Variants in CENPP observed in about 807,000 individuals in gnomAD.
The protein encoded by CENPP is centromere protein P.
CENPP carries 24 observed loss-of-function variants against 35.6 expected under a neutral mutation model. That is an observed-to-expected ratio of 0.67 (90% CI 0.49 to 0.95). The LOEUF (loss-of-function observed/expected upper bound fraction) is 0.95. CENPP is among the 40% of genes least tolerant of loss of function. The probability of loss-of-function intolerance (pLI) is 0.00; values close to 1 mark genes in which losing one functional copy is unlikely to be tolerated. For synonymous variants in CENPP, 120 were observed against 125.5 expected (o/e 0.96, Z 0.29); for missense variants, 332 against 345.3 (o/e 0.96, Z 0.31).
rs181532306 is a variant in CENPP, at chr9:92,583,526, G to A, written c.565-27788G>A. ...TGTAGGTTTTAACTCTATCTCACAAGTATCATTCTTAAACTAATATATGAG... is the reference window on the plus strand; with the variant it reads ...TGTAGGTTTTAACTCTATCTCACAAATATCATTCTTAAACTAATATATGAG... On this transcript the variant is annotated intron_variant, in intron 5 of 7. Transcript: ENST00000375587. Among the ~76,000 whole-genome samples the A allele has an allele frequency of 2.0e-5, 3 of 152,218 alleles. No individual in the cohort carries two copies. In the East Asian group the frequency reaches 5.8e-4, roughly 29 times the overall value.
At chr9:92,372,099 C>CTT (rs71362382) in intron 4 of CENPP, among the ~76,000 whole-genome samples, 421 of 30,660 alleles carry the variant, frequency 0.014, 25 homozygotes, top group East Asian at 0.023. Context: ...TGCCAGCCAT[C>CTT]TTTTTTTTTT....
At chr9:92,589,055 C>T (rs777447165) in intron 5 of CENPP, among the ~76,000 whole-genome samples, 1 of 151,998 alleles carries the variant, frequency 6.6e-6, no homozygotes, top group Non-Finnish European at 1.5e-5. Flanking sequence ...GCACCAGGCA[C>T]AATGGCCCAC....
At chr9:92,596,467 A>AG (rs1245760522) in intron 5 of CENPP, among the ~76,000 whole-genome samples, 5 of 150,104 alleles carry the variant, frequency 3.3e-5, no homozygotes, top group African/African-American at 1.2e-4. Flanking sequence ...AAAAAAAAAA[A>AG]AAAGAAAGAA....
chr9:92,423,618 C>T (rs917080960), intron 5 of CENPP, among the ~76,000 whole-genome samples: 62 of 151,946 alleles, frequency 4.1e-4, no homozygotes, highest in Admixed American at 1.3e-4. Context: ...AGCCATAATA[C>T]ATTTAAATCG....
chr9:92,431,265 A>G (rs2130987452), intron 5 of CENPP, among the ~76,000 whole-genome samples: 1 of 152,312 alleles, frequency 6.6e-6, no homozygotes, highest in African/African-American at 2.4e-5. Flanking sequence ...TCCATACACT[A>G]GATTTCTTTA....
In CENPP at chr9:92,457,498, GAA is replaced by G. The variant is rs778776532; in HGVS notation, c.564+77644_564+77645del. 4 of 1,564,556 alleles carry G rather than the reference GAA, an allele frequency of 2.6e-6. No individual in the cohort carries two copies. In the African/African-American group the frequency reaches 5.5e-5, roughly 21 times the overall value. On this transcript the variant is annotated intron_variant, in intron 5 of 7. Transcript: ENST00000375587. ...GAAGGAAGATTATCTGTTGTAGTAG[GAA>G]AAAAGAAAGGATTAAAAATACCCAG...
At chr9:92,341,386 A>G (rs1479341577) in intron 3 of CENPP, among the ~76,000 whole-genome samples, 1 of 152,084 alleles carries the variant, frequency 6.6e-6, no homozygotes. Context: ...TCCCCTTTTG[A>G]AACTCCCTAA....
intron 5 of CENPP, among the ~76,000 whole-genome samples, chr9:92,546,963 A>G (rs531469956): frequency 6.6e-6 from 1 of 152,296 alleles, no homozygotes; most frequent in East Asian, 1.9e-4. Context: ...CTATATTACA[A>G]ACTGACAGGG....
At chr9:92,470,035 C>T (rs1224219818) in intron 5 of CENPP, among the ~76,000 whole-genome samples, 1 of 152,114 alleles carries the variant, frequency 6.6e-6, no homozygotes, top group Non-Finnish European at 1.5e-5. Context: ...TGTTGTGTTG[C>T]CCAGGCTGAT....
intron 5 of CENPP, among the ~76,000 whole-genome samples, chr9:92,577,001 A>G (rs574883911): frequency 6.6e-6 from 1 of 152,364 alleles, no homozygotes; most frequent in South Asian, 2.1e-4. Context: ...GAGATTCCAT[A>G]GCATACCTAC....
chr9:92,430,583 T>C (rs1844082034), intron 5 of CENPP, among the ~76,000 whole-genome samples: 1 of 152,138 alleles, frequency 6.6e-6, no homozygotes, highest in Admixed American at 6.6e-5. Context: ...CTCGAACTCC[T>C]GAACTCGGGT....
At position 92,528,848 on chromosome 9, in the gene CENPP, C is replaced by A. The variant is rs116076579; in HGVS notation, c.565-82466C>A. Among the ~76,000 whole-genome samples, 1,139 of 152,166 alleles carry A rather than the reference C, an allele frequency of 7.5e-3. 12 individuals carry two copies. The highest frequency in any genetic ancestry group is 0.023 in the African/African-American group (965 of 41,508). The stretch of plus-strand genomic sequence containing the variant: ...ATCCAATGTAAATTTACCAGGTACA[C>A]AAAGAAACAGGAAAAGTTGACCCAT... On this transcript the variant is annotated intron_variant, in intron 5 of 7. Transcript: ENST00000375587.
rs1277082727 is a variant in CENPP, at chr9:92,348,108, CTTTCT to C, written c.467+2325_467+2329del. Among the ~76,000 whole-genome samples the C allele has an allele frequency of 2.6e-4, 15 of 58,104 alleles. No individual in the cohort carries two copies. In the South Asian group the frequency reaches 3.7e-3, roughly 14 times the overall value. The allele number at this position is 58,104 out of a possible 152,430, so 38.1% of individuals were successfully genotyped here. A position where few individuals can be genotyped will look rare whatever the true frequency, so the allele number is the denominator to read the frequency against. On this transcript the variant is annotated intron_variant, in intron 4 of 7. Coordinates refer to ENST00000375587, the MANE Select transcript of CENPP (RefSeq NM_001012267.3). Reference sequence around the variant, plus strand: ...CCCAGCTAATTTTCTTTCTTTCTTTCTTTCTTTTTTTTTTTTTTTTGTGCATTTTT... The same window carrying C: ...CCCAGCTAATTTTCTTTCTTTCTTTCTTTTTTTTTTTTTTTGTGCATTTTT...
intron 5 of CENPP, among the ~76,000 whole-genome samples, chr9:92,584,383 C>T (rs1253536697): frequency 6.6e-6 from 1 of 152,216 alleles, no homozygotes; most frequent in African/African-American, 2.4e-5. Context: ...GGGTCTTACT[C>T]TATCACCCAG....
In CENPP at chr9:92,615,959, T is replaced by G; in HGVS notation, c.*2810T>G. On this transcript the variant is annotated 3_prime_UTR_variant, in exon 8 of 8. Transcript: ENST00000375587. Reference sequence around the variant, plus strand: ...GATCTTGCCGTCCAGTTTATACTGATGGGGAATGCTCTCGTAGGGCTTGAG... The same window carrying G: ...GATCTTGCCGTCCAGTTTATACTGAGGGGGAATGCTCTCGTAGGGCTTGAG... 1 of 1,614,114 alleles carries G rather than the reference T, an allele frequency of 6.2e-7. No homozygotes were observed. Among genetic ancestry groups the G allele is most frequent in the Non-Finnish European group, 8.5e-7 (1 of 1,179,992 alleles).
At chr9:92,470,732 A>T in intron 5 of CENPP, 1 of 1,599,422 alleles carries the variant, frequency 6.3e-7, no homozygotes. Flanking sequence ...TGTTTTGAAG[A>T]TCAAGCATTC....
chr9:92,459,662 A>T (rs760058506), intron 5 of CENPP: 1 of 1,613,218 alleles, frequency 6.2e-7, no homozygotes, highest in South Asian at 1.1e-5. Context: ...GTAATCCTGA[A>T]GGGATTTTTT....
chr9:92,438,226 C>T (rs1844295907), intron 5 of CENPP, among the ~76,000 whole-genome samples: 1 of 152,206 alleles, frequency 6.6e-6, no homozygotes, highest in East Asian at 1.9e-4. Flanking sequence ...AGTTTTATCT[C>T]TTATATTTAG....
chr9:92,433,712 A>T (rs1844175838), intron 5 of CENPP, among the ~76,000 whole-genome samples: 1 of 152,146 alleles, frequency 6.6e-6, no homozygotes, highest in Admixed American at 6.5e-5. Flanking sequence ...CAGGCAGATC[A>T]CTTGAGGTCA....
Sources: allele counts gnomAD v4.1 joint callset (sites outside exome capture counted in the v4.1 genomes callset), GRCh38; gene constraint gnomAD v4.1.1; transcripts MANE v1.5; gene names NCBI Gene and HGNC (gene_info 2026-07-23, HGNC 2026-07-21).